MAGI1: variants seen among roughly 807,000 people sequenced by gnomAD.
MAGI1 encodes the protein membrane-associated guanylate kinase, WW and PDZ domain-containing protein 1.
In MAGI1, 58 loss-of-function variants were observed where a neutral mutation model predicts 139.9. The observed-to-expected ratio is 0.41, with a 90% CI of 0.34 to 0.52. The LOEUF is 0.52. Among genes scored for constraint, MAGI1 ranks in the 20% least tolerant of loss-of-function variants. The pLI is 0.12. For missense variants in MAGI1, 1,874 were observed against 1,901.6 expected, an observed-to-expected ratio of 0.99 and a Z score of 0.27; for synonymous variants, 812 against 737.9, an observed-to-expected ratio of 1.10 and a Z score of -1.63.
At chr3:65,684,197 GA>G (rs1194865941) in intron 1 of MAGI1, among the ~76,000 whole-genome samples, 1 of 134,732 alleles carries the variant, frequency 7.4e-6, no homozygotes, top group Non-Finnish European at 1.6e-5. Context: ...GAAAAGAAAA[GA>G]AAAACTAAAT....
chr3:65,943,746 C>T (rs1380869959), intron 1 of MAGI1, among the ~76,000 whole-genome samples: 1 of 152,104 alleles, frequency 6.6e-6, no homozygotes, highest in Admixed American at 6.6e-5. Flanking sequence ...ATTTGAAAAA[C>T]ACTGCTTTAG....
intron 1 of MAGI1, among the ~76,000 whole-genome samples, chr3:65,884,440 G>C (rs979584409): frequency 6.6e-6 from 1 of 152,100 alleles, no homozygotes; most frequent in African/African-American, 2.4e-5. Context: ...TGGCCAAAAA[G>C]TACTTCCCTT....
At chr3:65,883,583 T>C (rs1559975071) in intron 1 of MAGI1, among the ~76,000 whole-genome samples, 1 of 152,222 alleles carries the variant, frequency 6.6e-6, no homozygotes, top group African/African-American at 2.4e-5. Flanking sequence ...ATGTGTCCTT[T>C]ACTGAATTAT....
chr3:65,450,674 A>T (rs1006486807), intron 6 of MAGI1, among the ~76,000 whole-genome samples: 11 of 152,204 alleles, frequency 7.2e-5, no homozygotes, highest in Non-Finnish European at 1.6e-4. Context: ...GAGGGCTTCT[A>T]ACTGAACTGG....
At chr3:65,570,376 A>G (rs1414159581) in intron 2 of MAGI1, among the ~76,000 whole-genome samples, 2 of 151,838 alleles carry the variant, frequency 1.3e-5, no homozygotes, top group African/African-American at 2.4e-5. Flanking sequence ...TGCTAGGATC[A>G]CAGGCATGAG....
chr3:65,356,775 CG>C lies in MAGI1; in HGVS notation c.3991del (p.Arg1331AlafsTer104). 1 of 1,606,720 alleles carries C rather than the reference CG, an allele frequency of 6.2e-7. No homozygotes were observed. The highest frequency in any genetic ancestry group is 8.5e-7 in the Non-Finnish European group (1 of 1,176,570). On this transcript the variant is annotated frameshift_variant, in exon 23 of 23. Transcript: ENST00000402939. LOFTEE classifies it low-confidence loss of function (END_TRUNC). ...CCTCTCCAAAGTGTTGTCGGCGCTGCGGGTGCCCTCCCTCCGCTTCTCTGGG... is the reference window on the plus strand; with the variant it reads ...CCTCTCCAAAGTGTTGTCGGCGCTGCGGTGCCCTCCCTCCGCTTCTCTGGG... ...RSPEKRREGT[R>X]SADNTLERRE...
intron 7 of MAGI1, among the ~76,000 whole-genome samples, chr3:65,443,210 C>T (rs1007182031): frequency 6.6e-6 from 1 of 152,128 alleles, no homozygotes; most frequent in African/African-American, 2.4e-5. Flanking sequence ...CCTAGGCCAT[C>T]TTATTACACA....
intron 1 of MAGI1, among the ~76,000 whole-genome samples, chr3:65,870,384 T>C (rs1305891639): frequency 6.6e-6 from 1 of 151,962 alleles, no homozygotes; most frequent in Non-Finnish European, 1.5e-5. Flanking sequence ...CACATTCTGA[T>C]CTCCCCATGC....
intron 1 of MAGI1, among the ~76,000 whole-genome samples, chr3:65,953,718 C>G (rs1040866987): frequency 2.0e-5 from 3 of 152,218 alleles, no homozygotes; most frequent in Admixed American, 2.0e-4. Context: ...AAATCTCTCT[C>G]AGACAACAAC....
At chr3:65,428,030 C>T (rs1293347892) in intron 12 of MAGI1, among the ~76,000 whole-genome samples, 1 of 152,248 alleles carries the variant, frequency 6.6e-6, no homozygotes, top group Non-Finnish European at 1.5e-5. Context: ...ACTGCCTAAG[C>T]CAGGCTCATT....
At chr3:65,890,642 T>C (rs1211888930) in intron 1 of MAGI1, among the ~76,000 whole-genome samples, 1 of 152,134 alleles carries the variant, frequency 6.6e-6, no homozygotes, top group Non-Finnish European at 1.5e-5. Flanking sequence ...CAGATTCACA[T>C]AGCCAAAAAC....
chr3:65,436,179 T>C (rs1225350549), intron 10 of MAGI1, among the ~76,000 whole-genome samples: 1 of 152,146 alleles, frequency 6.6e-6, no homozygotes, highest in East Asian at 1.9e-4. Context: ...TTCTTTCTTA[T>C]GAAAATTATA....
At chr3:65,902,015 T>C (rs1245887506) in intron 1 of MAGI1, among the ~76,000 whole-genome samples, 2 of 152,242 alleles carry the variant, frequency 1.3e-5, no homozygotes, top group Non-Finnish European at 2.9e-5. Context: ...TTCCCCATGA[T>C]ATTTATTAAA....
rs191490114 is a variant in MAGI1, at chr3:65,804,477, A to T, written c.314-182389T>A. ...TATATCAATATGTTATACTGATATA[A>T]ATTATATTGATATTATATTAATACA... On this transcript the variant is annotated intron_variant, in intron 1 of 22. Coordinates refer to ENST00000402939, the MANE Select transcript of MAGI1 (RefSeq NM_001033057.2). 3.2e-4 allele frequency among the ~76,000 whole-genome samples: 48 copies of T among 151,908 alleles called. 1 individual carries two copies. In the East Asian group the frequency reaches 8.1e-3, roughly 26 times the overall value.
At chr3:65,995,335 A>C (rs549798851) in intron 1 of MAGI1, among the ~76,000 whole-genome samples, 3 of 152,390 alleles carry the variant, frequency 2.0e-5, no homozygotes, top group Admixed American at 6.5e-5. Context: ...GCCAATAATT[A>C]CAATGAGTCA....
chr3:65,514,857 C>A (rs1279577197), intron 2 of MAGI1, among the ~76,000 whole-genome samples: 1 of 147,414 alleles, frequency 6.8e-6, no homozygotes. Context: ...GACACATGCA[C>A]ACGTATGTTT....
intron 1 of MAGI1, among the ~76,000 whole-genome samples, chr3:65,958,851 G>A (rs1296363145): frequency 6.6e-6 from 1 of 152,200 alleles, no homozygotes; most frequent in African/African-American, 2.4e-5. Context: ...GCTGGGCACA[G>A]TGGCGTGTGC....
intron 12 of MAGI1, among the ~76,000 whole-genome samples, chr3:65,426,837 G>A (rs1428060329): frequency 2.0e-5 from 3 of 152,132 alleles, no homozygotes; most frequent in Non-Finnish European, 4.4e-5. Context: ...GACATATGGT[G>A]TATTTTAAAG....
At chr3:65,563,296 C>A (rs2080453923) in intron 2 of MAGI1, among the ~76,000 whole-genome samples, 1 of 152,108 alleles carries the variant, frequency 6.6e-6, no homozygotes, top group Admixed American at 6.5e-5. Flanking sequence ...GGACAGCTTG[C>A]AACTCACAGT....
Sources: gnomAD v4.1 joint callset for allele counts (sites outside exome capture counted in the v4.1 genomes callset) on GRCh38, gnomAD v4.1.1 for gene constraint, MANE v1.5 for transcripts, NCBI Gene and HGNC (gene_info 2026-07-23, HGNC 2026-07-21) for gene names.